ZNF529: variants seen among roughly 807,000 people sequenced by gnomAD.
The protein encoded by ZNF529 is zinc finger protein 529.
A neutral mutation model predicts 10.1 loss-of-function variants in ZNF529; 11 were observed. The observed-to-expected ratio is 1.09, with a 90% CI of 0.69 to 1.81. The LOEUF is 1.81. ZNF529 is among the 40% of genes most tolerant of loss of function. The probability of loss-of-function intolerance (pLI) is 0.00; values close to 1 mark genes in which losing one functional copy is unlikely to be tolerated. For missense variants in ZNF529, 624 were observed against 666.8 expected (o/e 0.94, Z 0.71); for synonymous variants, 204 against 215.7 (o/e 0.95, Z 0.47).
chr19:36,563,399 G>T (rs145473039), intron 2 of ZNF529, among the ~76,000 whole-genome samples: 1 of 151,500 alleles, frequency 6.6e-6, no homozygotes, highest in Admixed American at 6.6e-5. Flanking sequence ...CTCCAGCCTG[G>T]GCAACAGAAT....
chr19:36,561,715 C>A (rs2035704369), intron 2 of ZNF529, among the ~76,000 whole-genome samples: 1 of 152,206 alleles, frequency 6.6e-6, no homozygotes, highest in African/African-American at 2.4e-5. Context: ...CACCTGACTG[C>A]AACCTATGAG....
At chr19:36,551,741 G>GT (rs1184658047) in intron 4 of ZNF529, 1 of 152,134 alleles carries the variant, frequency 6.6e-6, no homozygotes, top group Admixed American at 6.5e-5. Context: ...AAGGAACTGT[G>GT]TATCTATAAA....
Position 36,591,724 on chromosome 19 carries a change from C to CAA in ZNF529, c.-127-2025_-127-2024dup, listed in dbSNP as rs57735431. On this transcript the variant is annotated intron_variant, in intron 1 of 4. Transcript: ENST00000585960. The stretch of plus-strand genomic sequence containing the variant: ...TGGGCGACAGAGCGAAACTCCATCT[C>CAA]AAAAAAAAAAAAGGAAATTTAATTT... Among the ~76,000 whole-genome samples, 395 of 142,664 alleles carry CAA rather than the reference C, an allele frequency of 2.8e-3. 1 individual carries two copies. Among genetic ancestry groups the CAA allele is most frequent in the African/African-American group, 8.5e-3 (328 of 38,634 alleles). The allele number at this position is 142,664 out of a possible 152,430, so 93.6% of individuals were successfully genotyped here.
chr19:36,592,603 A>G (rs1468722741), intron 1 of ZNF529, among the ~76,000 whole-genome samples: 3 of 150,820 alleles, frequency 2.0e-5, no homozygotes, highest in African/African-American at 7.3e-5. Flanking sequence ...CCAAAAAAAA[A>G]AAAAGAAAGA....
At chr19:36,598,417 T>C (rs2036873697) in intron 1 of ZNF529, among the ~76,000 whole-genome samples, 1 of 151,418 alleles carries the variant, frequency 6.6e-6, no homozygotes, top group Non-Finnish European at 1.5e-5. Context: ...GAGGCTGAGG[T>C]AGGAGGGTAG....
intron 1 of ZNF529, chr19:36,593,864 G>A (rs1160420926): frequency 1.3e-5 from 2 of 152,190 alleles, no homozygotes; most frequent in Admixed American, 1.3e-4. Context: ...AGACCACAGA[G>A]GCAAGAGCTG....
intron 2 of ZNF529, among the ~76,000 whole-genome samples, chr19:36,578,878 G>A (rs1465564121): frequency 2.6e-5 from 4 of 151,684 alleles, no homozygotes; most frequent in East Asian, 2.0e-4. Flanking sequence ...GATTACAGGC[G>A]TGAGCCACCG....
At chr19:36,574,256 G>T (rs2036256112), upstream of ZNF529, among the ~76,000 whole-genome samples, 1 of 152,150 alleles carries the variant, frequency 6.6e-6, no homozygotes, top group Non-Finnish European at 1.5e-5. Flanking sequence ...GAAGGTGGCT[G>T]GCCTTCCAGG....
At chr19:36,598,740 A>G (rs2036879238) in intron 1 of ZNF529, among the ~76,000 whole-genome samples, 1 of 152,194 alleles carries the variant, frequency 6.6e-6, no homozygotes, top group African/African-American at 2.4e-5. Flanking sequence ...ACTAACAACA[A>G]ATCACTCCCA....
chr19:36,584,778 A>AG (rs1485832364), intron 2 of ZNF529, among the ~76,000 whole-genome samples: 2 of 152,082 alleles, frequency 1.3e-5, no homozygotes, highest in African/African-American at 4.8e-5. Flanking sequence ...AAAAAAAAAA[A>AG]AAAGAAAGAA....
chr19:36,549,116 G>A (rs2035165562), intron 4 of ZNF529, among the ~76,000 whole-genome samples: 1 of 152,070 alleles, frequency 6.6e-6, no homozygotes, highest in Admixed American at 6.6e-5. Flanking sequence ...CACATCAATG[G>A]TCTCTTTGTA....
At chr19:36,589,638 C>T (rs1001510232) in exon 2 of ZNF529, 8 of 152,020 alleles carry the variant, frequency 5.3e-5, no homozygotes, top group Non-Finnish European at 1.0e-4. Flanking sequence ...GCACTCCAAG[C>T]ACTTCAATGA....
At chr19:36,560,114 G>A (rs1001845433) in intron 2 of ZNF529, among the ~76,000 whole-genome samples, 3 of 151,922 alleles carry the variant, frequency 2.0e-5, no homozygotes, top group African/African-American at 4.8e-5. Flanking sequence ...AAAATTAGCC[G>A]GGTGTGGTGA....
upstream of ZNF529, among the ~76,000 whole-genome samples, chr19:36,573,897 C>T (rs986047282): frequency 6.6e-5 from 10 of 152,272 alleles, no homozygotes; most frequent in East Asian, 1.9e-3. Context: ...AGGATGTGAC[C>T]CGTGGTCGTA....
At chr19:36,597,289 C>G (rs1353370230) in intron 1 of ZNF529, among the ~76,000 whole-genome samples, 2 of 151,992 alleles carry the variant, frequency 1.3e-5, no homozygotes, top group African/African-American at 4.8e-5. Flanking sequence ...TATGTGTCCC[C>G]CTCTTTTTTT....
At chr19:36,576,294 A>G (rs533596740), upstream of ZNF529, among the ~76,000 whole-genome samples, 1 of 152,354 alleles carries the variant, frequency 6.6e-6, no homozygotes, top group East Asian at 1.9e-4. Flanking sequence ...TCTTTCCCCC[A>G]GGATAACTGA....
chr19:36,591,918 A>G (rs984969378), intron 1 of ZNF529, among the ~76,000 whole-genome samples: 1 of 152,028 alleles, frequency 6.6e-6, no homozygotes, highest in Non-Finnish European at 1.5e-5. Flanking sequence ...AAAACCTGAT[A>G]AAGATATTAC....
At chr19:36,583,240 A>G (rs1280287095) in intron 2 of ZNF529, among the ~76,000 whole-genome samples, 1 of 152,108 alleles carries the variant, frequency 6.6e-6, no homozygotes, top group African/African-American at 2.4e-5. Context: ...AAAAAAATTT[A>G]GAGACAGGGT....
At chr19:36,562,669 A>C (rs758286393) in intron 2 of ZNF529, among the ~76,000 whole-genome samples, 13 of 151,732 alleles carry the variant, frequency 8.6e-5, no homozygotes, top group Non-Finnish European at 1.3e-4. Flanking sequence ...CCCCGTCTCT[A>C]CTAAAAAACT....
Sources: gnomAD v4.1 joint callset for allele counts (sites outside exome capture counted in the v4.1 genomes callset) on GRCh38, gnomAD v4.1.1 for gene constraint, MANE v1.5 for transcripts, NCBI Gene and HGNC (gene_info 2026-07-23, HGNC 2026-07-21) for gene names.